The following PDCD11 variants were observed in gnomAD, a reference collection of about 807,000 sequenced individuals.
PDCD11 encodes the protein protein RRP5 homolog.
In PDCD11, 97 loss-of-function variants were observed where a neutral mutation model predicts 198.9. The ratio of observed to expected loss-of-function variants is 0.49; its 90% CI spans 0.41 to 0.58. The LOEUF is 0.58. Among genes scored for constraint, PDCD11 ranks in the 20% least tolerant of loss-of-function variants. The pLI is 0.00. For missense variants in PDCD11, 2,102 were observed against 2,312.7 expected (o/e 0.91, Z 1.87); for synonymous variants, 893 against 918.0 (o/e 0.97, Z 0.49).
Position 103,398,414 on chromosome 10 carries a change from AG to A in PDCD11, c.-11del. The A allele has an allele frequency of 6.3e-7, 1 of 1,575,352 alleles. No individual in the cohort carries two copies. The highest frequency in any genetic ancestry group is 8.7e-7 in the Non-Finnish European group (1 of 1,144,698). ...CACCATTATCCTTTGCATTGTTTTTAGGAGACCCAAACATGGCAAACCTGGA... is the reference window on the plus strand; with the variant it reads ...CACCATTATCCTTTGCATTGTTTTTAGAGACCCAAACATGGCAAACCTGGA... On this transcript the variant is annotated splice_acceptor_variant, in intron 1 of 35. Coordinates refer to ENST00000369797, the MANE Select transcript of PDCD11 (RefSeq NM_014976.2). LOFTEE classifies it low-confidence loss of function (5UTR_SPLICE).
chr10:103,417,975 CAGAG>C (rs777965214), intron 14 of PDCD11, 43 bp downstream of exon 14: 2 of 1,606,072 alleles, frequency 1.2e-6, no homozygotes, highest in Admixed American at 1.7e-5. Context: ...GTTACAGTGG[CAGAG>C]AGCAGGGAAC....
intron 7 of PDCD11, among the ~76,000 whole-genome samples, chr10:103,407,967 C>T (rs572360998): frequency 6.6e-6 from 1 of 152,200 alleles, no homozygotes; most frequent in African/African-American, 2.4e-5. Flanking sequence ...GATCTGCCTG[C>T]CTGGGCCTTC....
At chr10:103,435,203 T>C (rs2032101585) in intron 25 of PDCD11, among the ~76,000 whole-genome samples, 2 of 152,108 alleles carry the variant, frequency 1.3e-5, no homozygotes, top group South Asian at 2.1e-4. Context: ...ATATAAATAA[T>C]AGAATATCAT....
intron 20 of PDCD11, among the ~76,000 whole-genome samples, chr10:103,426,577 C>T (rs1440750568): frequency 1.3e-5 from 2 of 151,886 alleles, no homozygotes; most frequent in Non-Finnish European, 2.9e-5. Flanking sequence ...GGTGGATCAC[C>T]TGAGATCAGG....
chr10:103,400,030 G>A (rs1446462506), intron 2 of PDCD11, among the ~76,000 whole-genome samples: 1 of 152,130 alleles, frequency 6.6e-6, no homozygotes, highest in Non-Finnish European at 1.5e-5. Context: ...TTGTTATGGT[G>A]GAAAAGATGA....
In PDCD11 at chr10:103,425,389, G is replaced by T. The variant is rs776170284; in HGVS notation, c.3169G>T (p.Asp1057Tyr). Reference protein sequence around the residue: ...KPTHVVVTLEDGIIGCIHASH... With the variant: ...KPTHVVVTLEYGIIGCIHASH... ...TACCCATGTGGTTGTGACTCTGGAA[G>T]ATGGCATTATTGGCTGTATCCATGC... The change falls in exon 20 of 36, where the codon GAT becomes TAT. Residue 1057 changes from aspartate to tyrosine, a missense_variant. Asp to Tyr is a radical substitution (Grantham distance 160, BLOSUM62 -3). Coordinates refer to ENST00000369797, the MANE Select transcript of PDCD11 (RefSeq NM_014976.2). 7 of 1,614,170 alleles carry T rather than the reference G, an allele frequency of 4.3e-6. No homozygotes were observed. In the Admixed American group the frequency reaches 6.7e-5, roughly 15 times the overall value.
chr10:103,444,821 A>G (rs2032532140), intron 35 of PDCD11, 139 bp downstream of exon 35: 1 of 763,818 alleles, frequency 1.3e-6, no homozygotes, highest in Non-Finnish European at 2.2e-6. Context: ...GCCCAGTGAC[A>G]TTCACTTCAA....
intron 20 of PDCD11, among the ~76,000 whole-genome samples, chr10:103,426,454 T>C (rs1233856895): frequency 6.6e-6 from 1 of 151,906 alleles, no homozygotes; most frequent in Admixed American, 6.6e-5. Context: ...AGAATTGGAG[T>C]ATATAGACTG....
At chr10:103,400,605 C>T (rs1554874365) in intron 3 of PDCD11, 77 bp downstream of exon 3, 5 of 1,432,386 alleles carry the variant, frequency 3.5e-6, no homozygotes, top group South Asian at 2.6e-5. Flanking sequence ...TTTCTTCTTT[C>T]CTTCTTTTTT....
chr10:103,438,179 A>G (rs1176174929), intron 26 of PDCD11, 108 bp downstream of exon 26: 6 of 818,050 alleles, frequency 7.3e-6, no homozygotes, highest in Non-Finnish European at 1.1e-5. Flanking sequence ...TTCTCTGCTC[A>G]TCACTTTTTA....
rs375012157 is a variant in PDCD11, at chr10:103,409,755, C to G, written c.927C>G (p.Asp309Glu). ...TCACATTCTTCACGGGCGTGGTTGA[C>G]TTTATGCACCTGGATCCCAAGAAAG... ...NFLTFFTGVV[D>E]FMHLDPKKAG... Residue 309 changes from aspartate to glutamate, a missense_variant, in exon 8 of 36, where the codon GAC (aspartate) becomes GAG (glutamate). Asp to Glu is a conservative substitution (Grantham distance 45, BLOSUM62 2). Coordinates refer to ENST00000369797, the MANE Select transcript of PDCD11 (RefSeq NM_014976.2). 1.9e-6 allele frequency: 3 copies of G among 1,614,060 alleles called. No homozygotes were observed. The highest frequency in any genetic ancestry group is 2.5e-6 in the Non-Finnish European group (3 of 1,179,982).
chr10:103,440,391 A>T lies in PDCD11; in HGVS notation c.4250A>T (p.Gln1417Leu), dbSNP rs1369346273. Residue 1417 changes from glutamine (Q) to leucine (L), a missense_variant, in exon 29 of 36, where the codon CAA becomes CTA. Coordinates refer to ENST00000369797, the MANE Select transcript of PDCD11 (RefSeq NM_014976.2). ...TCCTTGGAAGGGCAACTTACAAAGC[A>T]AGAGGAGAGGAAAACAGAGGCTGAG... ...SASLEGQLTK[Q>L]EERKTEAEER... The T allele has an allele frequency of 6.2e-7, 1 of 1,614,248 alleles. No homozygotes were observed. The highest frequency in any genetic ancestry group is 8.5e-7 in the Non-Finnish European group (1 of 1,180,036).
intron 32 of PDCD11, 111 bp downstream of exon 32, chr10:103,442,571 G>A: frequency 8.6e-7 from 1 of 1,160,674 alleles, no homozygotes; most frequent in Non-Finnish European, 1.2e-6. Flanking sequence ...TTGGGTGGCT[G>A]CCACCAGGGG....
At chr10:103,438,883 C>T in intron 27 of PDCD11, 75 bp downstream of exon 27, 1 of 1,493,002 alleles carries the variant, frequency 6.7e-7, no homozygotes, top group Non-Finnish European at 9.2e-7. Flanking sequence ...CCACTGTGTT[C>T]CTCGGTCAAC....
rs1259991181 is a variant in PDCD11, at chr10:103,417,797, G to A, written c.1776G>A (p.Val592=). 2 of 1,613,400 alleles carry A rather than the reference G, an allele frequency of 1.2e-6. No homozygotes were observed. The highest frequency in any genetic ancestry group is 1.7e-5 in the Admixed American group (1 of 59,664). ...PERVFYTGQV[V]KVVVLNCEPS... Reference sequence around the variant, plus strand: ...CCTGTGTGGTTTCTTGCCAGGTGGTGAAGGTTGTCGTATTGAACTGTGAGC... The same window carrying A: ...CCTGTGTGGTTTCTTGCCAGGTGGTAAAGGTTGTCGTATTGAACTGTGAGC... Residue 592 remains valine (V), a synonymous_variant, in exon 14 of 36, where the codon GTG becomes GTA. Coordinates refer to ENST00000369797, the MANE Select transcript of PDCD11 (RefSeq NM_014976.2).
At chr10:103,415,844 C>T (rs1019764344) in intron 12 of PDCD11, among the ~76,000 whole-genome samples, 11 of 152,188 alleles carry the variant, frequency 7.2e-5, no homozygotes, top group African/African-American at 2.6e-4. Flanking sequence ...GGCTCGAATC[C>T]GAAGGAAAGC....
intron 30 of PDCD11, among the ~76,000 whole-genome samples, 198 bp downstream of exon 30, chr10:103,441,048 G>A (rs2032367084): frequency 6.6e-6 from 1 of 152,132 alleles, no homozygotes; most frequent in African/African-American, 2.4e-5. Flanking sequence ...AAATTCTAAG[G>A]AATATTTATT....
chr10:103,401,093 T>C (rs1035799557), intron 3 of PDCD11, among the ~76,000 whole-genome samples: 1 of 152,178 alleles, frequency 6.6e-6, no homozygotes, highest in African/African-American at 2.4e-5. Flanking sequence ...TGGGCTTGTT[T>C]GTGTCCTCAC....
intron 25 of PDCD11, among the ~76,000 whole-genome samples, chr10:103,437,789 G>A (rs953031136): frequency 3.9e-5 from 6 of 152,088 alleles, no homozygotes; most frequent in African/African-American, 1.4e-4. Flanking sequence ...TGCCCAGCCC[G>A]GTAGTGTTAT....
Sources: allele counts gnomAD v4.1 joint callset (sites outside exome capture counted in the v4.1 genomes callset), GRCh38; gene constraint gnomAD v4.1.1; transcripts MANE v1.5; gene names NCBI Gene and HGNC (gene_info 2026-07-23, HGNC 2026-07-21).